Variants in BMERB1 observed in about 807,000 individuals in gnomAD.
BMERB1 encodes the protein bMERB domain-containing protein 1.
A neutral mutation model predicts 23.6 loss-of-function variants in BMERB1; 12 were observed. That is an observed-to-expected ratio of 0.51 (90% confidence interval 0.33 to 0.82). The LOEUF is 0.82. BMERB1 is among the 40% of genes least tolerant of loss of function. The pLI, the probability that BMERB1 is intolerant of heterozygous loss-of-function variation, is 0.03. For missense variants in BMERB1, 247 were observed against 255.4 expected (o/e 0.97, Z 0.22); for synonymous variants, 122 against 96.6 (o/e 1.26, Z -1.54).
chr16:15,447,943 G>C, intron 1 of BMERB1: 1 of 455,616 alleles, frequency 2.2e-6, no homozygotes, highest in South Asian at 1.6e-5. Flanking sequence ...AGGCTAGAGT[G>C]CAGTGGCGTG....
At chr16:15,494,987 G>T (rs1233810254) in intron 1 of BMERB1, among the ~76,000 whole-genome samples, 1 of 142,152 alleles carries the variant, frequency 7.0e-6, no homozygotes, top group African/African-American at 2.6e-5. Flanking sequence ...GGGTTTAAGT[G>T]ATTCTTGTGC....
chr16:15,515,252 C>G, intron 1 of BMERB1, 53 bp from the exon 2 acceptor site: 1 of 1,610,184 alleles, frequency 6.2e-7, no homozygotes, highest in Non-Finnish European at 8.5e-7. Flanking sequence ...CAGGGTCTGT[C>G]CCATGGTGCA....
At chr16:15,535,491 CA>C (rs997346871) in intron 2 of BMERB1, among the ~76,000 whole-genome samples, 10 of 150,350 alleles carry the variant, frequency 6.7e-5, no homozygotes, top group Non-Finnish European at 1.3e-4. Flanking sequence ...ACTAAAAATA[CA>C]AAAAAAAATT....
At chr16:15,457,123 G>A (rs904918305) in intron 1 of BMERB1, among the ~76,000 whole-genome samples, 1 of 152,134 alleles carries the variant, frequency 6.6e-6, no homozygotes, top group Non-Finnish European at 1.5e-5. Context: ...ACTGTGCCCA[G>A]CCTCCTCTAT....
rs1297915737 is a variant in BMERB1, at chr16:15,587,636, T to G, written c.*807T>G. 3 of 370,904 alleles carry G rather than the reference T, an allele frequency of 8.1e-6. No homozygotes were observed. Among genetic ancestry groups the G allele is most frequent in the Non-Finnish European group, 1.7e-5 (3 of 175,194 alleles). The allele number at this position is 370,904 out of a possible 1,614,324, so 23.0% of individuals were successfully genotyped here. A position where few individuals can be genotyped will look rare whatever the true frequency, so the allele number is the denominator to read the frequency against. On this transcript the variant is annotated 3_prime_UTR_variant, in exon 6 of 6. Coordinates refer to ENST00000300006, the MANE Select transcript of BMERB1 (RefSeq NM_033201.3). ...CCAGAGTAGATGCTGACCTGGGCAC[T>G]CCACCATTCCGGGGCCACCACAGAG... is the stretch of plus-strand genomic sequence containing the variant.
chr16:15,497,243 A>G (rs952039892), intron 1 of BMERB1, among the ~76,000 whole-genome samples: 1 of 152,184 alleles, frequency 6.6e-6, no homozygotes, highest in East Asian at 1.9e-4. Context: ...TCCCTGACCA[A>G]CTAAAATCAA....
chr16:15,460,395 G>A (rs1054115567), intron 1 of BMERB1, among the ~76,000 whole-genome samples: 3 of 152,054 alleles, frequency 2.0e-5, no homozygotes, highest in African/African-American at 4.8e-5. Flanking sequence ...GGATATATAC[G>A]GAACAGATGC....
chr16:15,490,577 C>T (rs1378186335), intron 1 of BMERB1, among the ~76,000 whole-genome samples: 1 of 152,170 alleles, frequency 6.6e-6, no homozygotes, highest in Non-Finnish European at 1.5e-5. Flanking sequence ...GCCACTGCAC[C>T]CAGCCTCGGA....
At chr16:15,521,146 C>G (rs2051848408) in intron 2 of BMERB1, among the ~76,000 whole-genome samples, 2 of 152,338 alleles carry the variant, frequency 1.3e-5, no homozygotes, top group Middle Eastern at 3.4e-3. Flanking sequence ...TTGGCTGCAG[C>G]ACGCAATTAA....
intron 1 of BMERB1, among the ~76,000 whole-genome samples, chr16:15,462,791 G>A (rs2051147129): frequency 6.6e-6 from 1 of 152,144 alleles, no homozygotes; most frequent in African/African-American, 2.4e-5. Context: ...AAGGAGGCAT[G>A]CTGTACAAGT....
intron 2 of BMERB1, among the ~76,000 whole-genome samples, chr16:15,518,263 G>A (rs1415384104): frequency 6.6e-6 from 1 of 152,206 alleles, no homozygotes; most frequent in African/African-American, 2.4e-5. Flanking sequence ...AAAGGATACA[G>A]AAGGACCTGA....
chr16:15,505,965 A>G (rs2051586028), intron 1 of BMERB1, among the ~76,000 whole-genome samples: 1 of 151,810 alleles, frequency 6.6e-6, no homozygotes, highest in African/African-American at 2.4e-5. Flanking sequence ...AGCTGGGGTA[A>G]ATTCTATGCA....
At chr16:15,516,433 T>A (rs772909535) in intron 2 of BMERB1, among the ~76,000 whole-genome samples, 222 of 151,890 alleles carry the variant, frequency 1.5e-3, no homozygotes, top group Non-Finnish European at 1.9e-3. Flanking sequence ...AAGAAAAAAA[T>A]TAAAAATACA....
At position 15,511,973 on chromosome 16, in the gene BMERB1, A is replaced by C. The variant is rs534830205; in HGVS notation, c.107-3332A>C. On this transcript the variant is annotated intron_variant, in intron 1 of 5. Transcript: ENST00000300006. ...GGTTGCAATGAGCAGAGATTGCATC[A>C]CCACGCTCCAGCCTGGGCAACAGAG... is the stretch of plus-strand genomic sequence containing the variant. Among the ~76,000 whole-genome samples the C allele has an allele frequency of 1.4e-4, 17 of 121,778 alleles. No individual in the cohort carries two copies. The South Asian group carries it at 4.8e-3, about 34-fold the overall frequency. The allele number at this position is 121,778 out of a possible 152,430, so 79.9% of individuals were successfully genotyped here.
At chr16:15,449,087 G>A (rs780337793) in intron 1 of BMERB1, among the ~76,000 whole-genome samples, 1 of 152,142 alleles carries the variant, frequency 6.6e-6, no homozygotes, top group African/African-American at 2.4e-5. Flanking sequence ...ATAAGGCCCC[G>A]TTAAATAACT....
rs548275579 is a variant in BMERB1, at chr16:15,522,732, C to T, written c.230+7304C>T. Among the ~76,000 whole-genome samples the T allele has an allele frequency of 5.3e-5, 8 of 152,232 alleles. No homozygotes were observed. In the South Asian group the frequency reaches 1.2e-3, roughly 24 times the overall value. On this transcript the variant is annotated intron_variant, in intron 2 of 5. Coordinates refer to ENST00000300006, the MANE Select transcript of BMERB1 (RefSeq NM_033201.3). The stretch of plus-strand genomic sequence containing the variant: ...CGCAGGGTGTGTGATGTCGGAGTGG[C>T]TCGCTTCTTCAGTGCCCCGCTGCTC...
At chr16:15,553,313 C>T (rs1028269435) in intron 2 of BMERB1, among the ~76,000 whole-genome samples, 1 of 152,136 alleles carries the variant, frequency 6.6e-6, no homozygotes, top group African/African-American at 2.4e-5. Flanking sequence ...TGGCCCAAAA[C>T]GTTTTTTTAA....
chr16:15,509,565 G>A (rs375535204), intron 1 of BMERB1, among the ~76,000 whole-genome samples: 4 of 152,136 alleles, frequency 2.6e-5, no homozygotes, highest in Non-Finnish European at 5.9e-5. Flanking sequence ...GAGGTCTTGC[G>A]GCTGATGACT....
At chr16:15,444,152 G>A (rs1207921219) in intron 1 of BMERB1, among the ~76,000 whole-genome samples, 1 of 19,842 alleles carries the variant, frequency 5.0e-5, no homozygotes, top group South Asian at 1.6e-3. Flanking sequence ...TTTTTTTTTG[G>A]CTGTTTCTTT....
Sources: allele counts gnomAD v4.1 joint callset (sites outside exome capture counted in the v4.1 genomes callset), GRCh38; gene constraint gnomAD v4.1.1; transcripts MANE v1.5; gene names NCBI Gene and HGNC (gene_info 2026-07-23, HGNC 2026-07-21).